BCL6: variants seen among roughly 807,000 people sequenced by gnomAD.
The protein encoded by BCL6 is BCL6 transcription repressor.
Under a neutral mutation model 59.5 loss-of-function variants are expected in BCL6, and 7 were observed. The observed-to-expected ratio is 0.12, with a 90% CI of 0.07 to 0.22. The LOEUF is 0.22. Ranked by LOEUF, BCL6 falls within the 10% of genes least tolerant of loss-of-function variation. The pLI is 1.00. For missense variants in BCL6, 685 were observed against 939.4 expected, an observed-to-expected ratio of 0.73 and a Z score of 3.54; for synonymous variants, 339 against 349.7, an observed-to-expected ratio of 0.97 and a Z score of 0.34.
Position 187,725,735 on chromosome 3 carries a change from T to G in BCL6, c.1709-106A>C, listed in dbSNP as rs572468579. The G allele has an allele frequency of 7.1e-7, 1 of 1,403,648 alleles. No individual in the cohort carries two copies. Among genetic ancestry groups the G allele is most frequent in the South Asian group, 1.3e-5 (1 of 76,572 alleles). The allele number at this position is 1,403,648 out of a possible 1,614,324, so 86.9% of individuals were successfully genotyped here. A position where few individuals can be genotyped will look rare whatever the true frequency, so the allele number is the denominator to read the frequency against. On this transcript the variant is annotated intron_variant, in intron 7 of 9. Transcript: ENST00000406870. This position sits in a 1 kb window ranked among gnomAD's most constrained non-coding sequence, Gnocchi z 4.7. ...GCAGCCTGCTCCTCCCTGAGGCCAC[T>G]TGTGTTTTCCTTTCCCTTAGGGAAT...
chr3:187,737,792 T>C (rs1483391647), intron 1 of BCL6: 1 of 123,884 alleles, frequency 8.1e-6, no homozygotes, highest in Non-Finnish European at 1.6e-5. Context: ...ACGCCGTCAA[T>C]GCAGCAGGCA....
At chr3:187,732,005 A>G (rs922291277) in intron 3 of BCL6, 75 bp from the exon 4 acceptor site, 42 of 1,298,808 alleles carry the variant, frequency 3.2e-5, no homozygotes, top group Non-Finnish European at 3.8e-5. Flanking sequence ...ACTGATACTC[A>G]GCCCCTTTCC....
rs1307826037 is a variant in BCL6, at chr3:187,728,448, C to T, written c.1452G>A (p.Gln484=). Residue 484 remains glutamine (Q), a synonymous_variant, in exon 6 of 10, where the codon CAG becomes CAA. Transcript: ENST00000406870. The part of the protein sequence containing the change: ...KCTSCGSQSP[Q]HAEMCLHTAG... ...CGGTGTGGAGGCACATCTCTGCATG[C>T]TGTGGGGACTGAGAGCCGCAGGACG... 37 of 1,612,570 alleles carry T rather than the reference C, an allele frequency of 2.3e-5. No individual in the cohort carries two copies. The highest frequency in any genetic ancestry group is 2.9e-5 in the Non-Finnish European group (34 of 1,179,590).
intron 1 of BCL6, among the ~76,000 whole-genome samples, chr3:187,742,986 T>TA (rs1711666303): frequency 6.6e-6 from 1 of 151,674 alleles, no homozygotes; most frequent in East Asian, 1.9e-4. Context: ...GTGAGCAAAA[T>TA]AGATACCTGT....
chr3:187,733,218 C>A (rs957026632), intron 3 of BCL6, among the ~76,000 whole-genome samples: 6 of 152,086 alleles, frequency 3.9e-5, no homozygotes, highest in African/African-American at 1.4e-4. Context: ...CATTTGAAAT[C>A]TTTTCTCATT....
chr3:187,722,361 G>A lies in BCL6; in HGVS notation c.*97C>T. On this transcript the variant is annotated 3_prime_UTR_variant, in exon 10 of 10. Coordinates refer to ENST00000406870, the MANE Select transcript of BCL6 (RefSeq NM_001706.5). ...ATGATTTGCACTAGTGGATGAAAGA[G>A]GCACTACATCATGGGATGAACATTG... 8.1e-6 allele frequency: 8 copies of A among 982,054 alleles called. No individual in the cohort carries two copies. The highest frequency in any genetic ancestry group is 1.0e-5 in the Non-Finnish European group (8 of 776,702). The allele number at this position is 982,054 out of a possible 1,614,324, so 60.8% of individuals were successfully genotyped here.
At chr3:187,728,596 C>T (rs779673041) in intron 5 of BCL6, 52 bp from the exon 6 acceptor site, 3 of 1,540,274 alleles carry the variant, frequency 1.9e-6, no homozygotes, top group Middle Eastern at 2.4e-4. Context: ...GCCTCAAGAC[C>T]ACCCTCTCCT....
In BCL6 at chr3:187,721,490, A is replaced by G. The variant is rs971647902; in HGVS notation, c.*968T>C. The G allele has an allele frequency of 1.7e-5, 4 of 233,070 alleles. No homozygotes were observed. The highest frequency in any genetic ancestry group is 8.8e-5 in the African/African-American group (4 of 45,304). 14.4% of individuals were successfully genotyped at this position (233,070 alleles called of 1,614,324 possible). A position where few individuals can be genotyped will look rare whatever the true frequency, so the allele number is the denominator to read the frequency against. ...TCTCCGGAGTAGTTATAACACAAGCATGACGCAGAATGGGATGAGACAAAC... is the reference window on the plus strand; with the variant it reads ...TCTCCGGAGTAGTTATAACACAAGCGTGACGCAGAATGGGATGAGACAAAC... On this transcript the variant is annotated 3_prime_UTR_variant, in exon 10 of 10. Coordinates refer to ENST00000406870, the MANE Select transcript of BCL6 (RefSeq NM_001706.5). This position sits in a 1 kb window ranked among gnomAD's most constrained non-coding sequence, Gnocchi z 4.2.
intron 1 of BCL6, 22 bp downstream of exon 1, chr3:187,745,388 C>T (rs1304145091): frequency 2.5e-6 from 1 of 402,724 alleles, no homozygotes; most frequent in Non-Finnish European, 4.4e-6. Flanking sequence ...GCAGCAGCGG[C>T]GGCAGCAACA....
At chr3:187,724,831 A>G (rs1718591176) in intron 9 of BCL6, 110 bp downstream of exon 9, 18 of 1,459,272 alleles carry the variant, frequency 1.2e-5, no homozygotes, top group Non-Finnish European at 1.3e-5. Flanking sequence ...TTGAGATGGG[A>G]GCAAACAGTT....
chr3:187,733,717 G>A lies in BCL6; in HGVS notation c.-10-14C>T. On this transcript the variant is annotated splice_polypyrimidine_tract_variant and intron_variant, in intron 2 of 9. Coordinates refer to ENST00000406870, the MANE Select transcript of BCL6 (RefSeq NM_001706.5). ...ATTTTGTCTTCACTTGAAAAAAGAGGCCAAAATCCTGTTAGTCCTCCAGAA... is the reference window on the plus strand; with the variant it reads ...ATTTTGTCTTCACTTGAAAAAAGAGACCAAAATCCTGTTAGTCCTCCAGAA... 1 of 1,613,616 alleles carries A rather than the reference G, an allele frequency of 6.2e-7. No homozygotes were observed. The highest frequency in any genetic ancestry group is 8.5e-7 in the Non-Finnish European group (1 of 1,179,658).
intron 1 of BCL6, among the ~76,000 whole-genome samples, chr3:187,744,642 C>T (rs1032149615): frequency 1.1e-4 from 17 of 152,058 alleles, no homozygotes; most frequent in African/African-American, 3.6e-4. Context: ...CGGTTCGGCT[C>T]GAAGGCAGGG....
chr3:187,725,111 G>A lies in BCL6; in HGVS notation c.1840-33C>T, dbSNP rs371847159. Reference sequence around the variant, plus strand: ...AAGAAGAAGGCATGAGAGGTCTTCTGGGGTGGGCTGCAGGCCTCTGGGCAG... The same window carrying A: ...AAGAAGAAGGCATGAGAGGTCTTCTAGGGTGGGCTGCAGGCCTCTGGGCAG... On this transcript the variant is annotated intron_variant, in intron 8 of 9. Transcript: ENST00000406870. This position sits in a 1 kb window ranked among gnomAD's most constrained non-coding sequence, Gnocchi z 4.7. 15 of 1,612,532 alleles carry A rather than the reference G, an allele frequency of 9.3e-6. No individual in the cohort carries two copies. In the African/African-American group the frequency reaches 1.5e-4, roughly 16 times the overall value.
At chr3:187,727,646 C>T (rs1393906829) in intron 6 of BCL6, among the ~76,000 whole-genome samples, 1 of 152,192 alleles carries the variant, frequency 6.6e-6, no homozygotes, top group Non-Finnish European at 1.5e-5. Flanking sequence ...CCCGCTCTCC[C>T]ATCTATGGGT....
At chr3:187,745,067 A>T (rs1711862648) in intron 1 of BCL6, among the ~76,000 whole-genome samples, 1 of 151,460 alleles carries the variant, frequency 6.6e-6, no homozygotes, top group Admixed American at 6.6e-5. Flanking sequence ...CCAAAACAAC[A>T]CAAGGGAGGG....
At chr3:187,744,438 A>G (rs1576884925) in intron 1 of BCL6, among the ~76,000 whole-genome samples, 4 of 152,246 alleles carry the variant, frequency 2.6e-5, no homozygotes, top group East Asian at 1.9e-4. Context: ...TAATTTTCAA[A>G]GTGTTCAACA....
chr3:187,731,423 C>T (rs2108468836), intron 4 of BCL6, among the ~76,000 whole-genome samples: 1 of 152,140 alleles, frequency 6.6e-6, no homozygotes, highest in African/African-American at 2.4e-5. Flanking sequence ...CATGGAAGAG[C>T]TGGCATCCAA....
At chr3:187,744,804 G>A (rs1711822586) in intron 1 of BCL6, among the ~76,000 whole-genome samples, 1 of 144,870 alleles carries the variant, frequency 6.9e-6, no homozygotes, top group Admixed American at 7.3e-5. Context: ...GAGGCCAGGA[G>A]CGACGGAGCA....
At position 187,721,604 on chromosome 3, in the gene BCL6, T is replaced by A. The variant is rs1213355142; in HGVS notation, c.*854A>T. The A allele has an allele frequency of 4.3e-6, 1 of 233,138 alleles. No individual in the cohort carries two copies. The highest frequency in any genetic ancestry group is 8.5e-6 in the Non-Finnish European group (1 of 117,794). The allele number at this position is 233,138 out of a possible 1,614,324, so 14.4% of individuals were successfully genotyped here. ...GGGATGGTGCACGCTCGCCCATCAT[T>A]GAAAACTTCCGTGAAAAAAGGCACC... On this transcript the variant is annotated 3_prime_UTR_variant, in exon 10 of 10. Coordinates refer to ENST00000406870, the MANE Select transcript of BCL6 (RefSeq NM_001706.5). The surrounding 1 kb of genome is among the most constrained non-coding windows in gnomAD (Gnocchi z 4.2).
Sources: gnomAD v4.1 joint callset for allele counts (sites outside exome capture counted in the v4.1 genomes callset) on GRCh38, gnomAD v4.1.1 for gene constraint, Gnocchi (gnomAD v3.1) non-coding constraint, MANE v1.5 for transcripts, NCBI Gene and HGNC (gene_info 2026-07-23, HGNC 2026-07-21) for gene names.